Variants in ALDH7A1 observed in about 807,000 individuals in gnomAD.
ALDH7A1 encodes alpha-aminoadipic semialdehyde dehydrogenase.
Under a neutral mutation model 79.9 loss-of-function variants are expected in ALDH7A1, and 63 were observed. That is an observed-to-expected ratio of 0.79 (90% CI 0.64 to 0.97). The LOEUF (loss-of-function observed/expected upper bound fraction) is 0.97, where lower values mean the gene tolerates loss of function less well. Among genes scored for constraint, ALDH7A1 ranks in the 50% least tolerant of loss-of-function variants. The pLI is 0.00. For missense variants in ALDH7A1, 627 were observed against 665.2 expected (o/e 0.94, Z 0.63); for synonymous variants, 240 against 231.2 (o/e 1.04, Z -0.34).
intron 5 of ALDH7A1, chr5:126,581,714 T>G: frequency 6.2e-6 from 1 of 162,104 alleles, no homozygotes; most frequent in East Asian, 1.7e-4. Context: ...GCACAGTGGC[T>G]CACGCCTGTA....
intron 11 of ALDH7A1, 115 bp from the exon 12 acceptor site, chr5:126,556,130 T>A: frequency 1.9e-6 from 1 of 528,062 alleles, no homozygotes; most frequent in Non-Finnish European, 3.2e-6. Context: ...TATAAGAAAA[T>A]CAAAGCATGT....
At chr5:126,559,108 A>T in intron 11 of ALDH7A1, 132 bp downstream of exon 11, 1 of 744,522 alleles carries the variant, frequency 1.3e-6, no homozygotes, top group Non-Finnish European at 2.4e-6. Flanking sequence ...AGAGAACTGG[A>T]CCACATATTT....
chr5:126,582,182 G>T (rs548155462), intron 5 of ALDH7A1: 3 of 398,476 alleles, frequency 7.5e-6, no homozygotes, highest in African/African-American at 6.2e-5. Flanking sequence ...ACAAGAAATT[G>T]AAAGCATTCA....
At chr5:126,565,723 G>A (rs1750559288) in intron 9 of ALDH7A1, among the ~76,000 whole-genome samples, 1 of 152,152 alleles carries the variant, frequency 6.6e-6, no homozygotes, top group Admixed American at 6.6e-5. Context: ...TTTCTTCTAA[G>A]AGTTTTATAG....
chr5:126,557,642 A>G (rs911869802), intron 11 of ALDH7A1, among the ~76,000 whole-genome samples: 2 of 152,054 alleles, frequency 1.3e-5, no homozygotes, highest in Admixed American at 1.3e-4. Flanking sequence ...TAATTTTCAT[A>G]TATCTTTTAG....
intron 5 of ALDH7A1, chr5:126,582,239 AC>A (rs1249686699): frequency 2.5e-6 from 1 of 397,594 alleles, no homozygotes; most frequent in East Asian, 3.6e-5. Flanking sequence ...TAGGAGGGAA[AC>A]TTTTAATCCT....
intron 3 of ALDH7A1, chr5:126,588,735 A>C (rs1751440118): frequency 6.6e-6 from 1 of 151,992 alleles, no homozygotes; most frequent in Non-Finnish European, 1.5e-5. Flanking sequence ...CTAATGCAAA[A>C]TGTTAATAAC....
At chr5:126,589,110 C>T (rs759715432) in intron 3 of ALDH7A1, 2 of 151,862 alleles carry the variant, frequency 1.3e-5, no homozygotes, top group East Asian at 3.9e-4. Context: ...GTACTTTCTA[C>T]TCGTTTTTCT....
Position 126,544,622 on chromosome 5 carries a change from T to A in ALDH7A1, c.*343A>T, listed in dbSNP as rs1356425248. ...GTATCTACTGCAAAGACTTCTGTTT[T>A]CTCCTCGGTTCTGTATTTTCCCAAA... On this transcript the variant is annotated 3_prime_UTR_variant, in exon 18 of 18. Transcript: ENST00000409134. The A allele has an allele frequency of 6.2e-6, 2 of 321,084 alleles. No homozygotes were observed. Among genetic ancestry groups the A allele is most frequent in the Non-Finnish European group, 1.2e-5 (2 of 168,198 alleles). The allele number at this position is 321,084 out of a possible 1,614,324, so 19.9% of individuals were successfully genotyped here.
chr5:126,556,495 C>G (rs1259553245), intron 11 of ALDH7A1, among the ~76,000 whole-genome samples: 1 of 152,154 alleles, frequency 6.6e-6, no homozygotes, highest in Non-Finnish European at 1.5e-5. Flanking sequence ...CCACCCACCT[C>G]AGTCTCCCAA....
At chr5:126,565,346 T>C (rs1026643940) in intron 9 of ALDH7A1, among the ~76,000 whole-genome samples, 18 of 124,052 alleles carry the variant, frequency 1.5e-4, no homozygotes, top group Non-Finnish European at 1.2e-4. Flanking sequence ...TGAGCCAGGA[T>C]CTCCCCACTG....
At chr5:126,556,584 T>C (rs900615797) in intron 11 of ALDH7A1, among the ~76,000 whole-genome samples, 2 of 152,128 alleles carry the variant, frequency 1.3e-5, no homozygotes, top group African/African-American at 4.8e-5. Context: ...GATGTATTTG[T>C]CTAAGCTTCA....
chr5:126,552,623 C>T (rs1251627863), intron 13 of ALDH7A1, among the ~76,000 whole-genome samples: 1 of 152,140 alleles, frequency 6.6e-6, no homozygotes. Flanking sequence ...TCTTGAACTT[C>T]TGACCTCAAG....
chr5:126,584,061 G>A, intron 3 of ALDH7A1, 49 bp from the exon 4 acceptor site: 1 of 1,443,004 alleles, frequency 6.9e-7, no homozygotes. Flanking sequence ...ATAAATTCAT[G>A]TTTATAACAC....
intron 9 of ALDH7A1, among the ~76,000 whole-genome samples, chr5:126,567,478 CT>C (rs768446830): frequency 3.3e-3 from 487 of 145,640 alleles, no homozygotes; most frequent in Admixed American, 3.4e-3. Flanking sequence ...CCTTTCATAA[CT>C]TTTTTTTTTT....
intron 3 of ALDH7A1, chr5:126,586,676 G>T (rs986980530): frequency 2.6e-5 from 4 of 152,254 alleles, no homozygotes; most frequent in African/African-American, 9.7e-5. Flanking sequence ...AGAAGTTTAG[G>T]GCTAAGACCT....
intron 17 of ALDH7A1, among the ~76,000 whole-genome samples, chr5:126,545,687 G>A (rs1749762308): frequency 6.6e-6 from 1 of 151,030 alleles, no homozygotes; most frequent in Non-Finnish European, 1.5e-5. Context: ...TTGGGAGGCT[G>A]AGGCAGGAGA....
chr5:126,584,038 T>C, intron 3 of ALDH7A1, 26 bp from the exon 4 acceptor site: 1 of 1,584,876 alleles, frequency 6.3e-7, no homozygotes, highest in Non-Finnish European at 8.7e-7. Context: ...AATTTTTGTG[T>C]CTGATTCAAA....
At chr5:126,545,278 TGTTTG>T (rs763508533) in intron 17 of ALDH7A1, among the ~76,000 whole-genome samples, 2 of 152,162 alleles carry the variant, frequency 1.3e-5, no homozygotes, top group South Asian at 4.2e-4. Flanking sequence ...TTTGTTTGTT[TGTTTG>T]TTTTGTTTTG....
Sources: gnomAD v4.1 joint callset for allele counts (sites outside exome capture counted in the v4.1 genomes callset) on GRCh38, gnomAD v4.1.1 for gene constraint, MANE v1.5 for transcripts, NCBI Gene and HGNC (gene_info 2026-07-23, HGNC 2026-07-21) for gene names.